OR14I1: variants seen among roughly 807,000 people sequenced by gnomAD.
The protein encoded by OR14I1 is olfactory receptor 14I1.
For missense variants in OR14I1, 279 were observed against 181.8 expected, an observed-to-expected ratio of 1.53 and a Z score of -3.07; for synonymous variants, 118 against 71.1, an observed-to-expected ratio of 1.66 and a Z score of -3.32.
At position 248,681,482 on chromosome 1, in the gene OR14I1, T is replaced by A. The variant is rs753931689; in HGVS notation, c.823A>T (p.Thr275Ser). 9.0e-6 allele frequency: 7 copies of A among 780,956 alleles called. No homozygotes were observed. In the African/African-American group the frequency reaches 1.2e-4, roughly 13 times the overall value. 48.4% of individuals were successfully genotyped at this position (780,956 alleles called of 1,614,324 possible). ...AGGAAGGGAGGCAAAACTGTGTATG[T>A]CAGAGCAATCACTAAATCCTGAATG... The change falls in exon 1 of 1, where the codon ACA (threonine) becomes TCA (serine). Residue 275 changes from threonine (T) to serine (S), a missense_variant. By Grantham distance (58) the Thr-to-Ser change is moderately conservative. Transcript: ENST00000342623.
At chr1:248,699,978 T>G in the OR14I1 span, among the ~76,000 whole-genome samples, 3 of 152,306 alleles carry the variant, frequency 2.0e-5, no homozygotes, top group South Asian at 2.1e-4. Context: ...GCCAGGATGG[T>G]CTTGATCTCC....
downstream of OR14I1, among the ~76,000 whole-genome samples, chr1:248,681,203 A>G (rs984203882): frequency 1.3e-5 from 2 of 152,036 alleles, no homozygotes; most frequent in Non-Finnish European, 2.9e-5. Context: ...TTGCATTTCT[A>G]TCTACATATA....
chr1:248,682,424 G>A (rs1257301750), upstream of OR14I1: 2 of 596,710 alleles, frequency 3.4e-6, no homozygotes, highest in Non-Finnish European at 5.9e-6. Flanking sequence ...CAATCCACTG[G>A]ACATCTTCCA....
At chr1:248,698,001 G>C in the OR14I1 span, among the ~76,000 whole-genome samples, 197 of 152,274 alleles carry the variant, frequency 1.3e-3, 1 homozygote, top group African/African-American at 4.5e-3. Context: ...AATGATTTAG[G>C]AGTGATAGTG....
chr1:248,685,906 A>C (rs6703414), upstream of OR14I1, among the ~76,000 whole-genome samples: 1 of 151,138 alleles, frequency 6.6e-6, no homozygotes, highest in Non-Finnish European at 1.5e-5. Flanking sequence ...TACAAAACAA[A>C]TCTATAGGGA....
upstream of OR14I1, among the ~76,000 whole-genome samples, chr1:248,687,053 G>A (rs2103136227): frequency 1.3e-5 from 2 of 152,320 alleles, no homozygotes; most frequent in South Asian, 4.1e-4. Context: ...GGGTTAAATT[G>A]TAAATTACCT....
downstream of OR14I1, among the ~76,000 whole-genome samples, chr1:248,679,133 CA>C (rs969453787): frequency 1.3e-5 from 2 of 152,130 alleles, no homozygotes; most frequent in African/African-American, 4.8e-5. Context: ...TGTTGAATGC[CA>C]GGGGCTCTGG....
At chr1:248,689,245 G>A in the OR14I1 span, among the ~76,000 whole-genome samples, 1 of 152,128 alleles carries the variant, frequency 6.6e-6, no homozygotes, top group Non-Finnish European at 1.5e-5. Context: ...CCTTTGGTCA[G>A]GTTCACTCAT....
chr1:248,702,424 T>C, the OR14I1 span, among the ~76,000 whole-genome samples: 24,710 of 151,882 alleles, frequency 0.16, 2,316 homozygotes, highest in African/African-American at 0.26. Flanking sequence ...AAGAAGAAAT[T>C]CTATCTATTT....
At chr1:248,697,333 C>T in the OR14I1 span, 1 of 152,102 alleles carries the variant, frequency 6.6e-6, no homozygotes, top group Non-Finnish European at 1.5e-5. Flanking sequence ...AGTGGTCTGA[C>T]TCTGTAAATA....
the OR14I1 span, chr1:248,692,691 A>C: frequency 7.0e-6 from 1 of 143,262 alleles, no homozygotes; most frequent in Non-Finnish European, 1.5e-5. Flanking sequence ...CTGGGGACAC[A>C]GTCCTGAGTG....
the OR14I1 span, among the ~76,000 whole-genome samples, chr1:248,691,533 A>G: frequency 1.5e-3 from 222 of 152,360 alleles, no homozygotes; most frequent in Admixed American, 2.4e-3. Flanking sequence ...GGGTGGGGTG[A>G]GAACCAAAGA....
At chr1:248,678,668 C>A (rs1426584401), downstream of OR14I1, among the ~76,000 whole-genome samples, 1 of 152,148 alleles carries the variant, frequency 6.6e-6, no homozygotes, top group East Asian at 1.9e-4. Context: ...AGCCTTAATT[C>A]TAAATCCAGC....
downstream of OR14I1, among the ~76,000 whole-genome samples, chr1:248,678,701 G>A (rs969504831): frequency 1.3e-5 from 2 of 152,208 alleles, no homozygotes; most frequent in African/African-American, 4.8e-5. Context: ...CAAAAATAAA[G>A]GCAGAGAACA....
chr1:248,701,713 G>A, the OR14I1 span, among the ~76,000 whole-genome samples: 4 of 152,088 alleles, frequency 2.6e-5, no homozygotes, highest in East Asian at 1.9e-4. Context: ...TCAAGAGAGC[G>A]ATATCACCAA....
upstream of OR14I1, among the ~76,000 whole-genome samples, chr1:248,682,788 T>C (rs1285149603): frequency 2.0e-5 from 3 of 152,234 alleles, no homozygotes; most frequent in African/African-American, 4.8e-5. Flanking sequence ...TCTTTAGCTA[T>C]TTGTTGAATA....
chr1:248,684,023 A>G (rs979673556), upstream of OR14I1, among the ~76,000 whole-genome samples: 6 of 125,360 alleles, frequency 4.8e-5, no homozygotes, highest in African/African-American at 1.1e-4. Context: ...TAAGGGCATA[A>G]CTCCATCTCA....
the OR14I1 span, among the ~76,000 whole-genome samples, chr1:248,700,618 A>G: frequency 2.0e-5 from 3 of 152,246 alleles, no homozygotes; most frequent in Non-Finnish European, 2.9e-5. Context: ...CTTGTACTCC[A>G]GATGTATTAA....
chr1:248,689,210 C>T, the OR14I1 span, among the ~76,000 whole-genome samples: 1 of 152,326 alleles, frequency 6.6e-6, no homozygotes, highest in Non-Finnish European at 1.5e-5. Flanking sequence ...AGTCTCCCCA[C>T]TGTGGCCTTT....
Sources: allele counts gnomAD v4.1 joint callset (sites outside exome capture counted in the v4.1 genomes callset), GRCh38; gene constraint gnomAD v4.1.1; transcripts MANE v1.5; gene names NCBI Gene and HGNC (gene_info 2026-07-23, HGNC 2026-07-21).